The following BARX2 variants were observed in gnomAD, a reference collection of about 807,000 sequenced individuals.
BARX2 encodes homeobox protein BarH-like 2.
Under a neutral mutation model 25.5 loss-of-function variants are expected in BARX2, and 11 were observed. The observed-to-expected ratio is 0.43, with a 90% CI of 0.27 to 0.71. The LOEUF is 0.71. BARX2 is among the 30% of genes least tolerant of loss of function. The pLI, the probability that BARX2 is intolerant of heterozygous loss-of-function variation, is 0.19. For missense variants in BARX2, 360 were observed against 359.9 expected (o/e 1.00, Z 0.00); for synonymous variants, 137 against 149.5 (o/e 0.92, Z 0.61).
At chr11:129,409,127 T>C (rs1316708862) in intron 1 of BARX2, among the ~76,000 whole-genome samples, 3 of 152,226 alleles carry the variant, frequency 2.0e-5, no homozygotes, top group Non-Finnish European at 2.9e-5. Context: ...CTCCCTTTGC[T>C]AATTTACTTT....
At chr11:129,385,903 T>C (rs1360783743) in intron 1 of BARX2, among the ~76,000 whole-genome samples, 1 of 152,246 alleles carries the variant, frequency 6.6e-6, no homozygotes, top group Admixed American at 6.5e-5. Context: ...ATAGCTTTTC[T>C]ATCCTGAAAC....
intron 1 of BARX2, among the ~76,000 whole-genome samples, chr11:129,432,849 G>A (rs1202592366): frequency 2.6e-5 from 4 of 152,172 alleles, no homozygotes; most frequent in African/African-American, 9.7e-5. Context: ...GGATGCCAAG[G>A]GACATGGGCT....
intron 1 of BARX2, among the ~76,000 whole-genome samples, chr11:129,380,285 T>G (rs908938328): frequency 1.3e-5 from 2 of 152,112 alleles, no homozygotes; most frequent in Admixed American, 6.5e-5. Flanking sequence ...CAAGAACATT[T>G]TATCCTGTGG....
rs1164338176 is a variant in BARX2 at position 129,451,931 on chromosome 11, AGTT to A, written c.*533_*535del. 1.3e-5 allele frequency: 2 copies of A among 153,452 alleles called. No individual in the cohort carries two copies. The highest frequency in any genetic ancestry group is 2.9e-5 in the Non-Finnish European group (2 of 69,186). 9.5% of individuals were successfully genotyped at this position (153,452 alleles called of 1,614,324 possible). On this transcript the variant is annotated 3_prime_UTR_variant, in exon 4 of 4. Transcript: ENST00000281437. ...GGGCAAAAACATGGGGGTAGTTCTG[AGTT>A]GTTAGAAATGTTTCTGAATCAAGTT...
At chr11:129,379,174 A>G (rs1458986352) in intron 1 of BARX2, among the ~76,000 whole-genome samples, 1 of 152,122 alleles carries the variant, frequency 6.6e-6, no homozygotes, top group Non-Finnish European at 1.5e-5. Flanking sequence ...GACACTGCAA[A>G]AGGGAATCCT....
intron 1 of BARX2, among the ~76,000 whole-genome samples, chr11:129,384,187 A>G (rs1861596547): frequency 6.6e-6 from 1 of 151,964 alleles, no homozygotes; most frequent in African/African-American, 2.4e-5. Flanking sequence ...ATGTGCATAG[A>G]ATAGGATTGG....
chr11:129,437,163 G>A (rs1862201334), intron 2 of BARX2, 112 bp downstream of exon 2: 1 of 1,207,300 alleles, frequency 8.3e-7, no homozygotes, highest in South Asian at 2.1e-5. Context: ...AGGACACTAT[G>A]GCGGAGTCCA....
intron 1 of BARX2, among the ~76,000 whole-genome samples, chr11:129,378,364 C>T (rs1861525461): frequency 1.3e-5 from 2 of 152,158 alleles, no homozygotes; most frequent in South Asian, 4.1e-4. Flanking sequence ...TGTATTAGAT[C>T]ATGGGAATCC....
rs370270757 is a variant in BARX2, at chr11:129,376,521, C to G, written c.187+299C>G. Among the ~76,000 whole-genome samples, 125 of 152,340 alleles carry G rather than the reference C, an allele frequency of 8.2e-4. 1 individual carries two copies. In the South Asian group the frequency reaches 0.025, roughly 30 times the overall value. On this transcript the variant is annotated intron_variant, in intron 1 of 3. Transcript: ENST00000281437. The surrounding 1 kb of genome is among the most constrained non-coding windows in gnomAD (Gnocchi z 4.2). ...CCTCGTTTCCTGCTGAAAGTTCAAACACTTGAGCAGGTTCAGCGTCTAAAT... is the reference window on the plus strand; with the variant it reads ...CCTCGTTTCCTGCTGAAAGTTCAAAGACTTGAGCAGGTTCAGCGTCTAAAT...
At chr11:129,435,682 A>G (rs7119454) in intron 1 of BARX2, among the ~76,000 whole-genome samples, 65,642 of 152,058 alleles carry the variant, frequency 0.43, 15,850 homozygotes, top group African/African-American at 0.66. Flanking sequence ...AGGATTCTTT[A>G]GAATCAGCTA....
chr11:129,412,718 C>T (rs2135399125), intron 1 of BARX2, among the ~76,000 whole-genome samples: 1 of 152,332 alleles, frequency 6.6e-6, no homozygotes, highest in Middle Eastern at 3.4e-3. Flanking sequence ...ACACGTGGCA[C>T]ACACTGGTGG....
At chr11:129,441,103 C>T (rs1458513929) in intron 2 of BARX2, among the ~76,000 whole-genome samples, 1 of 152,176 alleles carries the variant, frequency 6.6e-6, no homozygotes, top group Non-Finnish European at 1.5e-5. Flanking sequence ...GTTGTTGTCT[C>T]AAGGACTGAT....
chr11:129,402,749 A>G (rs772551115), intron 1 of BARX2, among the ~76,000 whole-genome samples: 78 of 152,230 alleles, frequency 5.1e-4, no homozygotes, highest in Non-Finnish European at 1.0e-3. Flanking sequence ...TCTAAAGGAG[A>G]AATCAGTGAA....
chr11:129,384,659 T>C (rs182588962), intron 1 of BARX2, among the ~76,000 whole-genome samples: 1 of 152,356 alleles, frequency 6.6e-6, no homozygotes, highest in East Asian at 1.9e-4. Flanking sequence ...TCTTCTTATC[T>C]TGAGGAAATA....
chr11:129,449,570 C>CA (rs1253489840), intron 3 of BARX2, among the ~76,000 whole-genome samples: 1 of 152,110 alleles, frequency 6.6e-6, no homozygotes, highest in African/African-American at 2.4e-5. Flanking sequence ...CATTCCAAAG[C>CA]AAAATATAAA....
chr11:129,410,028 T>A (rs1308389028), intron 1 of BARX2, among the ~76,000 whole-genome samples: 2 of 152,202 alleles, frequency 1.3e-5, no homozygotes, highest in African/African-American at 4.8e-5. Flanking sequence ...AATAGCCTCA[T>A]CTATAAAATG....
rs1862400992 is a variant in BARX2 at position 129,451,494 on chromosome 11, A to C, written c.*92A>C. ...GGGAGAGAAAACCTTCCAGCAGCCC[A>C]GTAAACTGCGGGCGAAGAGATCTAC... On this transcript the variant is annotated 3_prime_UTR_variant, in exon 4 of 4. Coordinates refer to ENST00000281437, the MANE Select transcript of BARX2 (RefSeq NM_003658.5). The C allele has an allele frequency of 1.4e-6, 2 of 1,440,276 alleles. No homozygotes were observed. Among genetic ancestry groups the C allele is most frequent in the African/African-American group, 1.4e-5 (1 of 69,838 alleles). The allele number at this position is 1,440,276 out of a possible 1,614,324, so 89.2% of individuals were successfully genotyped here.
Position 129,375,906 on chromosome 11 carries a change from C to G in BARX2, c.-130C>G, listed in dbSNP as rs1180720767. On this transcript the variant is annotated 5_prime_UTR_variant, in exon 1 of 4. Transcript: ENST00000281437. The surrounding 1 kb of genome is among the most constrained non-coding windows in gnomAD (Gnocchi z 4.0). Reference sequence around the variant, plus strand: ...GCTACCCGCTCTCCTCCGCGCGCCACCCGAGCCCCGCCGCCTCCCCAGCTG... The same window carrying G: ...GCTACCCGCTCTCCTCCGCGCGCCAGCCGAGCCCCGCCGCCTCCCCAGCTG... 5.0e-6 allele frequency: 2 copies of G among 400,462 alleles called. No individual in the cohort carries two copies. The highest frequency in any genetic ancestry group is 6.8e-6 in the Non-Finnish European group (2 of 295,556). The allele number at this position is 400,462 out of a possible 1,614,324, so 24.8% of individuals were successfully genotyped here.
intron 1 of BARX2, among the ~76,000 whole-genome samples, chr11:129,428,548 AT>A (rs934596893): frequency 1.3e-5 from 2 of 152,228 alleles, no homozygotes; most frequent in African/African-American, 4.8e-5. Context: ...CTCTGGGTCA[AT>A]GCTACTTTGT....
Sources: allele counts gnomAD v4.1 joint callset (sites outside exome capture counted in the v4.1 genomes callset), GRCh38; gene constraint gnomAD v4.1.1; non-coding constraint Gnocchi (gnomAD v3.1); transcripts MANE v1.5; gene names NCBI Gene and HGNC (gene_info 2026-07-23, HGNC 2026-07-21).